DUOXA1: variants seen among roughly 807,000 people sequenced by gnomAD.
The protein encoded by DUOXA1 is dual oxidase maturation factor 1, also known as dual oxidase activator 1.
DUOXA1 carries 19 observed loss-of-function variants against 26.6 expected under a neutral mutation model. That is an observed-to-expected ratio of 0.71 (90% CI 0.50 to 1.05). The LOEUF (loss-of-function observed/expected upper bound fraction) is 1.05. Among genes scored for constraint, DUOXA1 ranks in the 50% least tolerant of loss-of-function variants. The pLI is 0.00. For missense variants in DUOXA1, 403 were observed against 427.5 expected, an observed-to-expected ratio of 0.94 and a Z score of 0.51; for synonymous variants, 166 against 177.0, an observed-to-expected ratio of 0.94 and a Z score of 0.49.
chr15:45,122,125 C>T (rs915452273), intron 5 of DUOXA1, 60 bp downstream of exon 5: 2 of 1,537,762 alleles, frequency 1.3e-6, no homozygotes, highest in Admixed American at 1.9e-5. Flanking sequence ...GAGATGCAGG[C>T]TGCTGAGGGA....
Position 45,122,313 on chromosome 15 carries a change from T to C in DUOXA1, c.148-71A>G, listed in dbSNP as rs184222718. ...ACATCTACCCTTCCTGTTTCCAGAC[T>C]TGGGGGAGGGGCGGGAATTCTAAAG... is the stretch of plus-strand genomic sequence containing the variant. On this transcript the variant is annotated intron_variant, in intron 4 of 8. Transcript: ENST00000560572. The C allele has an allele frequency of 2.8e-4, 416 of 1,476,466 alleles. No individual in the cohort carries two copies. The African/African-American group carries it at 5.5e-3, about 20-fold the overall frequency. The allele number at this position is 1,476,466 out of a possible 1,614,324, so 91.5% of individuals were successfully genotyped here.
chr15:45,126,261 T>C (rs1895670613), intron 3 of DUOXA1, among the ~76,000 whole-genome samples: 1 of 152,246 alleles, frequency 6.6e-6, no homozygotes, highest in South Asian at 2.1e-4. Flanking sequence ...CCACATAAAG[T>C]GCTTTATAAC....
chr15:45,119,381 A>T lies in DUOXA1; in HGVS notation c.773-16T>A. On this transcript the variant is annotated splice_polypyrimidine_tract_variant and intron_variant, in intron 8 of 8. Coordinates refer to ENST00000560572, the MANE Select transcript of DUOXA1 (RefSeq NM_001276266.2). ...CACAGCAGTCCTGGAGATGAGGGCA[A>T]CAATTGTCCCACCTTAGTGCTAGTA... 6.3e-7 allele frequency: 1 copy of T among 1,595,940 alleles called. No homozygotes were observed.
chr15:45,124,226 TTCTGCC>T (rs1342524503), intron 3 of DUOXA1, among the ~76,000 whole-genome samples: 5 of 152,242 alleles, frequency 3.3e-5, no homozygotes, highest in Non-Finnish European at 7.3e-5. Flanking sequence ...AGGGTTTGAA[TTCTGCC>T]TCTGCCTCTT....
In DUOXA1 at chr15:45,118,374, G is replaced by A. The variant is rs934305169; in HGVS notation, c.*732C>T. On this transcript the variant is annotated 3_prime_UTR_variant, in exon 9 of 9. Transcript: ENST00000560572. ...CCCCGTCCTGGATGCCACTCAGCTAGCCCAGCTGAGTGGGGTGGGAAGGAA... is the reference window on the plus strand; with the variant it reads ...CCCCGTCCTGGATGCCACTCAGCTAACCCAGCTGAGTGGGGTGGGAAGGAA... The A allele has an allele frequency of 9.0e-7, 1 of 1,112,392 alleles. No homozygotes were observed. Among genetic ancestry groups the A allele is most frequent in the Non-Finnish European group, 1.1e-6 (1 of 910,630 alleles). The allele number at this position is 1,112,392 out of a possible 1,614,324, so 68.9% of individuals were successfully genotyped here.
At chr15:45,121,028 C>G (rs13380419) in intron 6 of DUOXA1, 59 bp downstream of exon 6, 11 of 1,608,918 alleles carry the variant, frequency 6.8e-6, no homozygotes, top group Admixed American at 1.7e-5. Flanking sequence ...CCACACCAAA[C>G]ATAGATCCCA....
At chr15:45,127,684 T>C (rs1438520573) in intron 3 of DUOXA1, among the ~76,000 whole-genome samples, 1 of 152,220 alleles carries the variant, frequency 6.6e-6, no homozygotes, top group Non-Finnish European at 1.5e-5. Flanking sequence ...CTGCTTTTCC[T>C]ACAACGCTTG....
At position 45,122,224 on chromosome 15, in the gene DUOXA1, G is replaced by A. The variant is rs117062041; in HGVS notation, c.166C>T (p.Arg56Trp). The A allele has an allele frequency of 3.4e-5, 55 of 1,604,834 alleles. No individual in the cohort carries two copies. The East Asian group carries it at 9.4e-4, about 27-fold the overall frequency. ...CCGATGAATAAGCTGGTCACCACCC[G>A]AAGCAGCCAGAACAGCCTCTGAGTC... ...RGKTRLFWLL[R>W]VVTSLFIGAA... is the part of the protein sequence containing the mutation. Residue 56 changes from arginine to tryptophan, a missense_variant, in exon 5 of 9, where the codon CGG becomes TGG. Transcript: ENST00000560572.
In DUOXA1 at chr15:45,119,057, A is replaced by G; in HGVS notation, c.*49T>C. The G allele has an allele frequency of 1.3e-6, 2 of 1,527,784 alleles. No individual in the cohort carries two copies. The highest frequency in any genetic ancestry group is 1.8e-6 in the Non-Finnish European group (2 of 1,133,072). 94.6% of individuals were successfully genotyped at this position (1,527,784 alleles called of 1,614,324 possible). On this transcript the variant is annotated 3_prime_UTR_variant, in exon 9 of 9. Coordinates refer to ENST00000560572, the MANE Select transcript of DUOXA1 (RefSeq NM_001276266.2). ...CTGCTGGTTTTATGGGGCGCCAATG[A>G]GGTTTGGAGCCAGACTGGAAGTCCA...
At chr15:45,125,000 C>T (rs1267549356) in intron 3 of DUOXA1, among the ~76,000 whole-genome samples, 1 of 152,146 alleles carries the variant, frequency 6.6e-6, no homozygotes, top group East Asian at 1.9e-4. Flanking sequence ...TCCTAATATG[C>T]CCTAGCTCCC....
intron 5 of DUOXA1, among the ~76,000 whole-genome samples, chr15:45,121,764 A>G (rs1895229354): frequency 6.6e-6 from 1 of 152,016 alleles, no homozygotes; most frequent in East Asian, 1.9e-4. Flanking sequence ...TGATCTACCC[A>G]CCTCAGCCTC....
Position 45,118,606 on chromosome 15 carries a change from G to T in DUOXA1, c.*500C>A. ...TGTTAGACCTAGGATGAGAAGTTTGGTTTCCCCTCCTTTCCAGTGCTGTCT... is the reference window on the plus strand; with the variant it reads ...TGTTAGACCTAGGATGAGAAGTTTGTTTTCCCCTCCTTTCCAGTGCTGTCT... On this transcript the variant is annotated 3_prime_UTR_variant, in exon 9 of 9. Transcript: ENST00000560572. 1.0e-6 allele frequency: 1 copy of T among 990,586 alleles called. No individual in the cohort carries two copies. The highest frequency in any genetic ancestry group is 1.2e-6 in the Non-Finnish European group (1 of 833,746). The allele number at this position is 990,586 out of a possible 1,614,324, so 61.4% of individuals were successfully genotyped here.
Position 45,120,393 on chromosome 15 carries a change from G to A in DUOXA1, c.555-73C>T, listed in dbSNP as rs528501658. The stretch of plus-strand genomic sequence containing the variant: ...CTGGTGAATTTGGATGGGCCCAGGC[G>A]GAGGTTCAGGGACCCAAGAGTGACC... On this transcript the variant is annotated intron_variant, in intron 7 of 8. Transcript: ENST00000560572. The A allele has an allele frequency of 2.9e-3, 4,484 of 1,569,858 alleles. 124 individuals are homozygous for A. The South Asian group carries it at 0.046, about 16-fold the overall frequency.
chr15:45,120,849 G>C (rs1651591543), intron 6 of DUOXA1, 44 bp from the exon 7 acceptor site: 5 of 1,601,066 alleles, frequency 3.1e-6, no homozygotes, highest in African/African-American at 2.7e-5. Context: ...CCAAGGGCCA[G>C]AGTGGGGCCT....
At position 45,120,220 on chromosome 15, in the gene DUOXA1, A is replaced by G. The variant is rs1342818884; in HGVS notation, c.655T>C (p.Leu219=). 4 of 1,614,010 alleles carry G rather than the reference A, an allele frequency of 2.5e-6. No homozygotes were observed. Among genetic ancestry groups the G allele is most frequent in the Non-Finnish European group, 3.4e-6 (4 of 1,180,016 alleles). Residue 219 remains leucine, a synonymous_variant, in exon 8 of 9, where the codon TTG becomes CTG. Transcript: ENST00000560572. ...MLLATGIFQL[L]ALLFFSMATS... ...GCCATGGAGAAGAAGAGCAGAGCCA[A>G]CAGCTGGAAGATGCCCGTGGCCAAT...
rs150452217 is a variant in DUOXA1, at chr15:45,119,196, G to C, written c.942C>G (p.Pro314=). 4.6e-5 allele frequency: 75 copies of C among 1,613,920 alleles called. No homozygotes were observed. In the African/African-American group the frequency reaches 9.3e-4, roughly 20 times the overall value. ...CTGACAGGGGAATGTCCTGGGACTTGGGACTGTCAGCCATGGACCGGTAGC... is the reference window on the plus strand; with the variant it reads ...CTGACAGGGGAATGTCCTGGGACTTCGGACTGTCAGCCATGGACCGGTAGC... ...SPRYRSMADS[P]KSQDIPLSEA... The change falls in exon 9 of 9, where the codon CCC becomes CCG. Residue 314 remains proline (P), a synonymous_variant. Coordinates refer to ENST00000560572, the MANE Select transcript of DUOXA1 (RefSeq NM_001276266.2).
intron 3 of DUOXA1, among the ~76,000 whole-genome samples, chr15:45,128,255 C>T (rs1895837491): frequency 6.6e-6 from 1 of 152,212 alleles, no homozygotes; most frequent in Non-Finnish European, 1.5e-5. Flanking sequence ...CAGCCTTCTT[C>T]ATTCAAAGTT....
At position 45,117,738 on chromosome 15, in the gene DUOXA1, AGG is replaced by A; in HGVS notation, c.*1366_*1367del. 6.2e-7 allele frequency: 1 copy of A among 1,612,860 alleles called. No individual in the cohort carries two copies. The highest frequency in any genetic ancestry group is 1.1e-5 in the South Asian group (1 of 91,044). ...CAGGCGTCCTGTGCCTCTTCCTCGG[AGG>A]GGCCGTGGTGAGTCTCCAGTATGTT... On this transcript the variant is annotated 3_prime_UTR_variant, in exon 9 of 9. Transcript: ENST00000560572.
chr15:45,120,985 A>T, intron 6 of DUOXA1, 102 bp downstream of exon 6: 2 of 1,566,772 alleles, frequency 1.3e-6, no homozygotes, highest in Non-Finnish European at 1.7e-6. Flanking sequence ...ACATCCTCCC[A>T]GCCCCTGTGC....
Sources: gnomAD v4.1 joint callset for allele counts (sites outside exome capture counted in the v4.1 genomes callset) on GRCh38, gnomAD v4.1.1 for gene constraint, MANE v1.5 for transcripts, NCBI Gene and HGNC (gene_info 2026-07-23, HGNC 2026-07-21) for gene names.